The following NAV2 variants were observed in gnomAD, a reference collection of about 807,000 sequenced individuals.
NAV2 encodes helicase, APC down-regulated 1.
In NAV2, 54 loss-of-function variants were observed where a neutral mutation model predicts 223.2. The ratio of observed to expected loss-of-function variants is 0.24; its 90% confidence interval spans 0.19 to 0.30. The LOEUF is 0.30. NAV2 is among the 10% of genes least tolerant of loss of function. NAV2 has a pLI of 1.00. For synonymous variants in NAV2, 1,279 were observed against 1,239.3 expected, an observed-to-expected ratio of 1.03 and a Z score of -0.67; for missense variants, 2,806 against 3,147.5, an observed-to-expected ratio of 0.89 and a Z score of 2.60.
chr11:19,969,875 G>A (rs1051332056), intron 10 of NAV2, among the ~76,000 whole-genome samples: 2 of 151,814 alleles, frequency 1.3e-5, no homozygotes, highest in African/African-American at 4.8e-5. Flanking sequence ...GAACCCGGGA[G>A]GCGGAGCTTG....
rs540599532 is a variant in NAV2 at position 19,857,754 on chromosome 11, A to C, written c.439-11171A>C. Among the ~76,000 whole-genome samples, 4 of 152,370 alleles carry C rather than the reference A, an allele frequency of 2.6e-5. No individual in the cohort carries two copies. In the South Asian group the frequency reaches 8.3e-4, roughly 32 times the overall value. On this transcript the variant is annotated intron_variant, in intron 3 of 37. Coordinates refer to ENST00000349880, the MANE Select transcript of NAV2 (RefSeq NM_145117.5). Reference sequence around the variant, plus strand: ...AAACGACTTGATTTTTAAAAAGTAGAATTGATATATGTATACATTGTATAA... The same window carrying C: ...AAACGACTTGATTTTTAAAAAGTAGCATTGATATATGTATACATTGTATAA...
At chr11:19,779,079 G>A (rs1045977209) in intron 1 of NAV2, among the ~76,000 whole-genome samples, 20 of 152,186 alleles carry the variant, frequency 1.3e-4, no homozygotes, top group Admixed American at 1.2e-3. Flanking sequence ...ATTGCTGCCC[G>A]TTTAGTCTAT....
intron 1 of NAV2, among the ~76,000 whole-genome samples, chr11:19,449,626 T>TG (rs1226116618): frequency 4.8e-3 from 12 of 2,516 alleles, no homozygotes; most frequent in East Asian, 0.031. Flanking sequence ...GTTGTGGGGG[T>TG]GGGGGGGTAG....
At chr11:19,700,812 A>G (rs2049490420) in intron 1 of NAV2, among the ~76,000 whole-genome samples, 1 of 152,238 alleles carries the variant, frequency 6.6e-6, no homozygotes, top group Non-Finnish European at 1.5e-5. Context: ...ATGTAATTAC[A>G]ATTTCCCTGA....
chr11:19,718,376 T>A (rs1590163344), intron 1 of NAV2, among the ~76,000 whole-genome samples: 1 of 152,342 alleles, frequency 6.6e-6, no homozygotes, highest in Non-Finnish European at 1.5e-5. Flanking sequence ...ATTTTGATAT[T>A]TCCTGTTTTT....
chr11:19,596,388 C>T (rs1004363916), intron 1 of NAV2, among the ~76,000 whole-genome samples: 10 of 152,220 alleles, frequency 6.6e-5, no homozygotes, highest in African/African-American at 1.7e-4. Flanking sequence ...TTCAATTCAC[C>T]GGCTCCCCAG....
In NAV2 at chr11:19,948,883, T is replaced by A; in HGVS notation, c.2448T>A (p.Thr816=). ...PRANASRFIN[T]ESGRYVYSAP... ...CCAACGCCAGCAGGTTCATCAACAC[T>A]GAGTCAGGTCGCTATGTGTACTCCG... Residue 816 remains threonine, a synonymous_variant, in exon 10 of 38, where the codon ACT becomes ACA. Transcript: ENST00000349880. The A allele has an allele frequency of 6.2e-7, 1 of 1,614,002 alleles. No individual in the cohort carries two copies. Among genetic ancestry groups the A allele is most frequent in the Non-Finnish European group, 8.5e-7 (1 of 1,179,988 alleles).
At chr11:19,989,295 T>C (rs2625321) in intron 11 of NAV2, among the ~76,000 whole-genome samples, 1 of 151,978 alleles carries the variant, frequency 6.6e-6, no homozygotes, top group African/African-American at 2.4e-5. Context: ...GTCAGAATGA[T>C]GTCATGTAAG....
intron 6 of NAV2, among the ~76,000 whole-genome samples, chr11:19,917,243 C>T (rs2043878193): frequency 6.6e-6 from 1 of 152,204 alleles, no homozygotes; most frequent in Admixed American, 6.5e-5. Context: ...ACTCCACTCC[C>T]ACATTCTGAA....
chr11:20,108,561 G>A (rs1348237725), intron 36 of NAV2, among the ~76,000 whole-genome samples: 1 of 150,462 alleles, frequency 6.6e-6, no homozygotes, highest in East Asian at 1.9e-4. Flanking sequence ...TCGTGCCTCA[G>A]CCTCCCAAGT....
At chr11:19,547,965 G>A (rs1189860802) in intron 1 of NAV2, among the ~76,000 whole-genome samples, 1 of 152,176 alleles carries the variant, frequency 6.6e-6, no homozygotes, top group Non-Finnish European at 1.5e-5. Context: ...GGGTAAAGGT[G>A]ATTTACAGAT....
intron 1 of NAV2, among the ~76,000 whole-genome samples, chr11:19,677,989 C>T (rs2048763545): frequency 6.6e-6 from 1 of 152,186 alleles, no homozygotes; most frequent in African/African-American, 2.4e-5. Flanking sequence ...TCCCAGTATC[C>T]TTCTCCTTTG....
At chr11:19,583,500 T>C (rs2045789168) in intron 1 of NAV2, among the ~76,000 whole-genome samples, 1 of 152,226 alleles carries the variant, frequency 6.6e-6, no homozygotes, top group African/African-American at 2.4e-5. Context: ...TTCAGTGTGA[T>C]ATTGGCTGTG....
chr11:19,658,751 C>T (rs2048193554), intron 1 of NAV2, among the ~76,000 whole-genome samples: 2 of 152,150 alleles, frequency 1.3e-5, no homozygotes, highest in African/African-American at 4.8e-5. Context: ...TGCCTGAAAT[C>T]AGCTATGGTG....
intron 1 of NAV2, among the ~76,000 whole-genome samples, chr11:19,352,529 T>C (rs1238012237): frequency 6.6e-6 from 1 of 152,238 alleles, no homozygotes; most frequent in East Asian, 1.9e-4. Context: ...GGAAGTAGAA[T>C]ATAACCCCAA....
At chr11:19,468,166 T>C (rs1193277984) in intron 1 of NAV2, among the ~76,000 whole-genome samples, 2 of 152,224 alleles carry the variant, frequency 1.3e-5, no homozygotes, top group East Asian at 3.8e-4. Flanking sequence ...ACTACTCACT[T>C]GCTGCGTGAT....
intron 1 of NAV2, among the ~76,000 whole-genome samples, chr11:19,721,031 A>G (rs998766054): frequency 6.6e-6 from 1 of 152,236 alleles, no homozygotes; most frequent in African/African-American, 2.4e-5. Context: ...TGAGGAAACC[A>G]GGGCTGACAG....
intron 1 of NAV2, among the ~76,000 whole-genome samples, chr11:19,433,449 A>G (rs2133617625): frequency 6.6e-6 from 1 of 152,372 alleles, no homozygotes; most frequent in African/African-American, 2.4e-5. Context: ...GCCTTTTAAT[A>G]GCAAACAGAT....
chr11:20,100,737 G>A (rs139072171), intron 31 of NAV2, among the ~76,000 whole-genome samples, 200 bp from the exon 32 acceptor site: 5 of 152,270 alleles, frequency 3.3e-5, no homozygotes, highest in African/African-American at 7.2e-5. Flanking sequence ...AGCACATGGC[G>A]TTGATGAACA....
Sources: allele counts gnomAD v4.1 joint callset (sites outside exome capture counted in the v4.1 genomes callset), GRCh38; gene constraint gnomAD v4.1.1; transcripts MANE v1.5; gene names NCBI Gene and HGNC (gene_info 2026-07-23, HGNC 2026-07-21).